Variants in DNAH17 observed in about 807,000 individuals in gnomAD.
The protein encoded by DNAH17 is axonemal beta dynein heavy chain 17.
DNAH17 carries 376 observed loss-of-function variants against 485.6 expected under a neutral mutation model. The observed-to-expected ratio is 0.77, with a 90% CI of 0.71 to 0.84. The LOEUF (loss-of-function observed/expected upper bound fraction) is 0.84. DNAH17 is among the 40% of genes least tolerant of loss of function. The pLI is 0.00. For synonymous variants in DNAH17, 3,031 were observed against 2,405.9 expected, an observed-to-expected ratio of 1.26 and a Z score of -7.60; for missense variants, 6,370 against 5,839.3, an observed-to-expected ratio of 1.09 and a Z score of -2.96.
intron 48 of DNAH17, 116 bp from the exon 49 acceptor site, chr17:78,480,902 G>T (rs894495187): frequency 2.8e-6 from 2 of 723,684 alleles, no homozygotes; most frequent in Non-Finnish European, 2.4e-6. Context: ...ACAGAGTCTC[G>T]CTCTGTTGCC....
At chr17:78,425,618 T>C in intron 79 of DNAH17, 47 bp from the exon 80 acceptor site, 2 of 1,520,106 alleles carry the variant, frequency 1.3e-6, no homozygotes, top group Non-Finnish European at 1.8e-6. Context: ...TAGAATGACA[T>C]GGGAACGACC....
intron 26 of DNAH17, among the ~76,000 whole-genome samples, chr17:78,513,648 C>T (rs958370224): frequency 6.6e-6 from 1 of 152,144 alleles, no homozygotes; most frequent in African/African-American, 2.4e-5. Flanking sequence ...GTTGGCCAGG[C>T]TGGTCTCAAA....
At chr17:78,446,598 G>A (rs984896386) in intron 69 of DNAH17, among the ~76,000 whole-genome samples, 1 of 151,782 alleles carries the variant, frequency 6.6e-6, no homozygotes, top group Non-Finnish European at 1.5e-5. Context: ...TTTGGCTGTT[G>A]TGAATTGATT....
At chr17:78,544,904 C>CCATTAAAGT (rs2091715038) in intron 16 of DNAH17, among the ~76,000 whole-genome samples, 1 of 151,532 alleles carries the variant, frequency 6.6e-6, no homozygotes, top group Admixed American at 6.6e-5. Context: ...CTACACATCT[C>CCATTAAAGT]CATTAAAGTG....
At chr17:78,480,230 C>T (rs112354565) in intron 49 of DNAH17, among the ~76,000 whole-genome samples, 4,565 of 151,466 alleles carry the variant, frequency 0.03, 229 homozygotes, top group African/African-American at 0.1. Flanking sequence ...ACACCTGTAG[C>T]CTCAGCTGCT....
At position 78,494,229 on chromosome 17, in the gene DNAH17, C is replaced by CGCTGGGAG. The variant is rs1406405861; in HGVS notation, c.6271-64_6271-57dup. The stretch of plus-strand genomic sequence containing the variant: ...AACTGAAGCAGCTTTTCTTTCTTCT[C>CGCTGGGAG]GCTGGGAGGCTGGGGGGCTTCCTGC... On this transcript the variant is annotated intron_variant, in intron 40 of 80. Coordinates refer to ENST00000389840, the MANE Select transcript of DNAH17 (RefSeq NM_173628.4). The CGCTGGGAG allele has an allele frequency of 8.8e-5, 139 of 1,570,872 alleles. No homozygotes were observed. In the South Asian group the frequency reaches 1.2e-3, roughly 13 times the overall value.
In DNAH17 at chr17:78,543,988, C is replaced by T. The variant is rs188562373; in HGVS notation, c.2401G>A (p.Ala801Thr). 3.7e-4 allele frequency: 590 copies of T among 1,613,966 alleles called. No homozygotes were observed. The highest frequency in any genetic ancestry group is 3.5e-4 in the Non-Finnish European group (417 of 1,179,876). Reference sequence around the variant, plus strand: ...TCCTTTCTTTCAAACAGCGGGTTGGCCGACCAGTCCTGGAAGGAAAGCACA... The same window carrying T: ...TCCTTTCTTTCAAACAGCGGGTTGGTCGACCAGTCCTGGAAGGAAAGCACA... ...GISQAMKDWS[A>T]NPLFERKDNK... Residue 801 changes from alanine (A) to threonine (T), a missense_variant, in exon 17 of 81, where the codon GCC (alanine) becomes ACC (threonine). By Grantham distance (58) the Ala-to-Thr change is moderately conservative. Transcript: ENST00000389840.
At chr17:78,546,457 ACC>A (rs1350902927) in intron 16 of DNAH17, among the ~76,000 whole-genome samples, 1 of 152,090 alleles carries the variant, frequency 6.6e-6, no homozygotes, top group Non-Finnish European at 1.5e-5. Context: ...CTGCTTTCTC[ACC>A]GTTTCCCTTT....
chr17:78,516,453 G>A (rs917123448), intron 25 of DNAH17, among the ~76,000 whole-genome samples: 15 of 152,298 alleles, frequency 9.8e-5, no homozygotes, highest in East Asian at 7.7e-4. Context: ...TTGGGAGGCC[G>A]AGGCGGGTGG....
At chr17:78,477,941 A>G (rs1032956484) in intron 51 of DNAH17, among the ~76,000 whole-genome samples, 2 of 149,692 alleles carry the variant, frequency 1.3e-5, no homozygotes, top group East Asian at 3.9e-4. Context: ...CATCACCACC[A>G]TCACCATTAT....
chr17:78,497,156 A>G (rs778771541), intron 37 of DNAH17: 2 of 152,162 alleles, frequency 1.3e-5, no homozygotes, highest in Non-Finnish European at 2.9e-5. Flanking sequence ...TCCGTATCAG[A>G]CAGTCTTGAA....
chr17:78,483,948 T>C (rs2146636871), intron 48 of DNAH17, among the ~76,000 whole-genome samples: 1 of 151,698 alleles, frequency 6.6e-6, no homozygotes, highest in South Asian at 2.1e-4. Flanking sequence ...AGTACAAAAA[T>C]TAGCCGGCGT....
In DNAH17 at chr17:78,551,515, G is replaced by A. The variant is rs2143562192; in HGVS notation, c.2391+20C>T. 5 of 1,611,182 alleles carry A rather than the reference G, an allele frequency of 3.1e-6. No individual in the cohort carries two copies. Among genetic ancestry groups the A allele is most frequent in the Middle Eastern group, 1.7e-4 (1 of 6,050 alleles). ...CCAGGCCCCCACAAAGCCCCACTCT[G>A]TGCTCTGCCCCTTGCTTACCTTCAT... On this transcript the variant is annotated intron_variant, in intron 16 of 80. Coordinates refer to ENST00000389840, the MANE Select transcript of DNAH17 (RefSeq NM_173628.4).
At chr17:78,551,408 T>C (rs1598710600) in intron 16 of DNAH17, 127 bp downstream of exon 16, 1 of 771,230 alleles carries the variant, frequency 1.3e-6, no homozygotes, top group South Asian at 1.7e-5. Flanking sequence ...TGGAGAGCAC[T>C]GCACGGCAGC....
rs1172079302 is a variant in DNAH17 at position 78,426,475 on chromosome 17, G to C, written c.12897C>G (p.Asp4299Glu). 3 of 1,608,780 alleles carry C rather than the reference G, an allele frequency of 1.9e-6. No homozygotes were observed. The East Asian group carries it at 6.7e-5, about 36-fold the overall frequency. ...SMMGLAAWYA[D>E]LLLRIRELEA... is the part of the protein sequence containing the mutation. ...CACTTACCCTGATGCGGAGCAGCAG[G>C]TCTGCGTACCAGGCCGCCAGGCCCA... The change falls in exon 79 of 81, where the codon GAC becomes GAG. Residue 4299 changes from aspartate (D) to glutamate (E), a missense_variant. By Grantham distance (45) the Asp-to-Glu change is conservative. Transcript: ENST00000389840.
intron 24 of DNAH17, among the ~76,000 whole-genome samples, chr17:78,526,022 G>C (rs763485300): frequency 6.6e-6 from 1 of 152,252 alleles, no homozygotes; most frequent in Non-Finnish European, 1.5e-5. Context: ...TGGGAGCAAA[G>C]AGGAACTGAC....
chr17:78,434,135 C>G lies in DNAH17; in HGVS notation c.12119G>C (p.Arg4040Thr). Residue 4040 changes from arginine (R) to threonine (T), a missense_variant, in exon 75 of 81, where the codon AGG becomes ACG. Arg to Thr is a moderately conservative substitution (Grantham distance 71). Transcript: ENST00000389840. ...CCAGCCCTGGGCGCCGAACTTGCGC[C>G]TCTCTGCCACCACAGCGTGGAAGTA... ...LCYFHAVVAE[R>T]RKFGAQGWNR... 1 of 1,613,674 alleles carries G rather than the reference C, an allele frequency of 6.2e-7. No individual in the cohort carries two copies. The highest frequency in any genetic ancestry group is 8.5e-7 in the Non-Finnish European group (1 of 1,179,852).
intron 23 of DNAH17, 24 bp from the exon 24 acceptor site, chr17:78,526,761 C>G (rs754030480): frequency 6.3e-7 from 1 of 1,588,074 alleles, no homozygotes; most frequent in East Asian, 2.3e-5. Flanking sequence ...GTGCAAAGTA[C>G]AGAGAGTCAC....
chr17:78,449,936 A>C, intron 68 of DNAH17: 1 of 456,606 alleles, frequency 2.2e-6, no homozygotes, highest in Non-Finnish European at 4.0e-6. Flanking sequence ...TCGGCCCCCC[A>C]TAGTGCTGAG....
Sources: gnomAD v4.1 joint callset for allele counts (sites outside exome capture counted in the v4.1 genomes callset) on GRCh38, gnomAD v4.1.1 for gene constraint, MANE v1.5 for transcripts, NCBI Gene and HGNC (gene_info 2026-07-23, HGNC 2026-07-21) for gene names.